ATL2: variants seen among roughly 807,000 people sequenced by gnomAD.
ATL2 encodes the protein atlastin GTPase 2, also known as atlastin-2.
A neutral mutation model predicts 73.9 loss-of-function variants in ATL2; 31 were observed. That is an observed-to-expected ratio of 0.42 (90% CI 0.32 to 0.57). The LOEUF is 0.57. Ranked by LOEUF, ATL2 falls within the 20% of genes least tolerant of loss-of-function variation. The pLI is 0.14. For synonymous variants in ATL2, 291 were observed against 237.5 expected, an observed-to-expected ratio of 1.23 and a Z score of -2.07; for missense variants, 738 against 702.6, an observed-to-expected ratio of 1.05 and a Z score of -0.57.
At chr2:38,370,867 G>A (rs1253994858) in intron 1 of ATL2, among the ~76,000 whole-genome samples, 1 of 151,568 alleles carries the variant, frequency 6.6e-6, no homozygotes, top group Non-Finnish European at 1.5e-5. Flanking sequence ...AATGGCGGGG[G>A]TGGGGGGTGC....
Position 38,296,062 on chromosome 2 carries a change from C to A in ATL2, c.1684G>T (p.Val562Leu), listed in dbSNP as rs1224979772. Residue 562 changes from valine (V) to leucine (L), a missense_variant, in exon 13 of 13, where the codon GTA becomes TTA. Transcript: ENST00000378954. ...AGGCCTGCTTTGATAGAGTTTGTTA[C>A]AGACTGCCTTATGTTTTCCTCCATC... The part of the protein sequence containing the change: ...NLMEENIRQS[V>L]TNSIKAGLTD... 1 of 1,551,598 alleles carries A rather than the reference C, an allele frequency of 6.4e-7. No individual in the cohort carries two copies. The highest frequency in any genetic ancestry group is 2.4e-5 in the East Asian group (1 of 40,910).
intron 2 of ATL2, among the ~76,000 whole-genome samples, chr2:38,323,713 A>T (rs1283074559): frequency 6.6e-6 from 1 of 152,158 alleles, no homozygotes; most frequent in African/African-American, 2.4e-5. Context: ...GAGAGAAAGA[A>T]AACGAGACAG....
chr2:38,323,349 GTTTTTTTTTT>G (rs1229668962), intron 2 of ATL2, among the ~76,000 whole-genome samples: 13 of 75,244 alleles, frequency 1.7e-4, no homozygotes, highest in Admixed American at 9.5e-4. Context: ...ATCACCAGAA[GTTTTTTTTTT>G]TTTTTTTTTT....
At chr2:38,336,209 C>T (rs1382682431) in intron 2 of ATL2, among the ~76,000 whole-genome samples, 1 of 152,220 alleles carries the variant, frequency 6.6e-6, no homozygotes, top group Non-Finnish European at 1.5e-5. Context: ...AAATCAAGTT[C>T]AACATCCCAT....
intron 8 of ATL2, among the ~76,000 whole-genome samples, chr2:38,310,000 A>G (rs1269002821): frequency 2.0e-5 from 3 of 152,192 alleles, no homozygotes; most frequent in African/African-American, 7.2e-5. Flanking sequence ...TCATCAATAT[A>G]ATAAAATGAT....
At chr2:38,332,700 AACCCACTTGTATAAC>A (rs1365122364) in intron 2 of ATL2, among the ~76,000 whole-genome samples, 7 of 152,186 alleles carry the variant, frequency 4.6e-5, no homozygotes, top group African/African-American at 1.7e-4. Context: ...AGTCACACAA[AACCCACTTGTATAAC>A]ACTACCAGAG....
chr2:38,322,828 A>G (rs1341128227), intron 2 of ATL2, among the ~76,000 whole-genome samples: 1 of 152,192 alleles, frequency 6.6e-6, no homozygotes, highest in Non-Finnish European at 1.5e-5. Flanking sequence ...GCAGTGAGCT[A>G]TGATGATGCC....
At chr2:38,376,826 C>A (rs1671998747) in intron 1 of ATL2, among the ~76,000 whole-genome samples, 1 of 151,382 alleles carries the variant, frequency 6.6e-6, no homozygotes, top group Non-Finnish European at 1.5e-5. Context: ...AAGGCCGCCC[C>A]CTAAGGTCGG....
chr2:38,342,596 G>A (rs991900210), intron 2 of ATL2, among the ~76,000 whole-genome samples: 6 of 152,174 alleles, frequency 3.9e-5, no homozygotes, highest in Admixed American at 3.9e-4. Flanking sequence ...AAAGGTAATA[G>A]TCACTAAAAC....
At chr2:38,300,435 T>A in intron 9 of ATL2, 107 bp from the exon 10 acceptor site, 2 of 716,472 alleles carry the variant, frequency 2.8e-6, no homozygotes, top group Non-Finnish European at 4.7e-6. Flanking sequence ...CCATTAAAAG[T>A]AAATTCTAGG....
chr2:38,354,122 G>T (rs745542674), intron 1 of ATL2: 5 of 412,850 alleles, frequency 1.2e-5, no homozygotes, highest in Non-Finnish European at 2.4e-5. Flanking sequence ...AACCCGGGAG[G>T]TTGCAGTAAG....
Position 38,316,846 on chromosome 2 carries a change from G to A in ATL2, c.604-1512C>T, listed in dbSNP as rs79194608. On this transcript the variant is annotated intron_variant, in intron 4 of 12. Coordinates refer to ENST00000378954, the MANE Select transcript of ATL2 (RefSeq NM_001135673.4). Reference sequence around the variant, plus strand: ...GGATAAGTTTTAGGACAGAGAACTCGAGAACTCCCTCTAGAGCCAGCTAAC... The same window carrying A: ...GGATAAGTTTTAGGACAGAGAACTCAAGAACTCCCTCTAGAGCCAGCTAAC... 4.3e-4 allele frequency among the ~76,000 whole-genome samples: 65 copies of A among 152,140 alleles called. 1 individual carries two copies. The East Asian group carries it at 0.011, about 26-fold the overall frequency.
chr2:38,349,529 G>T (rs11892978), intron 1 of ATL2, among the ~76,000 whole-genome samples: 2 of 107,464 alleles, frequency 1.9e-5, no homozygotes, highest in Non-Finnish European at 3.7e-5. Context: ...GTTGTGGGGT[G>T]GGGGGAGGGG....
At chr2:38,330,531 T>C (rs935433300) in intron 2 of ATL2, among the ~76,000 whole-genome samples, 4 of 152,170 alleles carry the variant, frequency 2.6e-5, no homozygotes, top group African/African-American at 2.4e-5. Flanking sequence ...AAAAAAATTA[T>C]TGGAACTAAT....
chr2:38,302,042 T>A (rs1396246931), intron 9 of ATL2, among the ~76,000 whole-genome samples: 1 of 152,138 alleles, frequency 6.6e-6, no homozygotes, highest in Non-Finnish European at 1.5e-5. Flanking sequence ...GGCCCCAATT[T>A]CAGTCCCCAG....
chr2:38,374,355 T>C (rs1671848389), intron 1 of ATL2, among the ~76,000 whole-genome samples: 1 of 144,644 alleles, frequency 6.9e-6, no homozygotes, highest in South Asian at 2.1e-4. Flanking sequence ...AGTAAATAAC[T>C]CTCAAATTTT....
At chr2:38,340,241 G>C (rs1210870198) in intron 2 of ATL2, among the ~76,000 whole-genome samples, 1 of 145,666 alleles carries the variant, frequency 6.9e-6, no homozygotes, top group Admixed American at 7.4e-5. Context: ...ATTTTCATCT[G>C]GATGGTGGTA....
Position 38,354,275 on chromosome 2 carries a change from T to C in ATL2, c.119-10763A>G, listed in dbSNP as rs78694297. 1,355 of 304,516 alleles carry C rather than the reference T, an allele frequency of 4.4e-3. 14 individuals carry two copies. The highest frequency in any genetic ancestry group is 0.044 in the East Asian group (316 of 7,108). The allele number at this position is 304,516 out of a possible 1,614,324, so 18.9% of individuals were successfully genotyped here. On this transcript the variant is annotated intron_variant, in intron 1 of 12. Transcript: ENST00000378954. Reference sequence around the variant, plus strand: ...CAGGCTGAAATGAAACATTATCAAATGGAAAGTCTCTTTATTCCTTCCTAT... The same window carrying C: ...CAGGCTGAAATGAAACATTATCAAACGGAAAGTCTCTTTATTCCTTCCTAT...
intron 12 of ATL2, 120 bp from the exon 13 acceptor site, chr2:38,296,233 A>T: frequency 7.0e-7 from 1 of 1,425,290 alleles, no homozygotes; most frequent in African/African-American, 1.4e-5. Flanking sequence ...AATATGGGAA[A>T]TAAAAAGATG....
Sources: allele counts gnomAD v4.1 joint callset (sites outside exome capture counted in the v4.1 genomes callset), GRCh38; gene constraint gnomAD v4.1.1; transcripts MANE v1.5; gene names NCBI Gene and HGNC (gene_info 2026-07-23, HGNC 2026-07-21).